The following MAPK14 variants were observed in gnomAD, a reference collection of about 807,000 sequenced individuals.
MAPK14 encodes the protein mitogen-activated protein kinase 14, also known as CSAID-binding protein.
Under a neutral mutation model 49.6 loss-of-function variants are expected in MAPK14, and 16 were observed. The observed-to-expected ratio is 0.32, with a 90% CI of 0.22 to 0.49. The LOEUF (loss-of-function observed/expected upper bound fraction) is 0.49. Ranked by LOEUF, MAPK14 falls within the 20% of genes least tolerant of loss-of-function variation. The pLI is 0.99. For synonymous variants in MAPK14, 142 were observed against 158.0 expected (o/e 0.90, Z 0.76); for missense variants, 200 against 441.2 (o/e 0.45, Z 4.90).
chr6:36,028,103 G>T lies in MAPK14; in HGVS notation c.-55G>T. 8.2e-7 allele frequency: 1 copy of T among 1,223,690 alleles called. No individual in the cohort carries two copies. The highest frequency in any genetic ancestry group is 1.2e-6 in the Non-Finnish European group (1 of 832,702). 75.8% of individuals were successfully genotyped at this position (1,223,690 alleles called of 1,614,324 possible). A position where few individuals can be genotyped will look rare whatever the true frequency, so the allele number is the denominator to read the frequency against. On this transcript the variant is annotated 5_prime_UTR_variant, in exon 1 of 12. Transcript: ENST00000229794. The surrounding 1 kb of genome is among the most constrained non-coding windows in gnomAD (Gnocchi z 5.1). Reference sequence around the variant, plus strand: ...AGCAAGGGCCGGGGAGAGGGTGCGGGTGCAGGCGGGGGCCCCACAGGGCCA... The same window carrying T: ...AGCAAGGGCCGGGGAGAGGGTGCGGTTGCAGGCGGGGGCCCCACAGGGCCA...
chr6:36,059,044 C>T (rs1390570626), intron 2 of MAPK14, among the ~76,000 whole-genome samples: 1 of 152,140 alleles, frequency 6.6e-6, no homozygotes, highest in East Asian at 1.9e-4. Context: ...CGCCCGCCAC[C>T]ACACCTGGCT....
At chr6:36,076,488 T>C in intron 7 of MAPK14, 49 bp from the exon 8 acceptor site, 2 of 1,348,542 alleles carry the variant, frequency 1.5e-6, no homozygotes, top group African/African-American at 2.9e-5. Context: ...TTGCCAAGAA[T>C]TGTAACAGTG....
chr6:36,080,951 T>C (rs1764734498), intron 8 of MAPK14, among the ~76,000 whole-genome samples: 1 of 152,166 alleles, frequency 6.6e-6, no homozygotes, highest in South Asian at 2.1e-4. Context: ...CATCTTTTCA[T>C]CTGCTTATTG....
At chr6:36,106,054 G>A (rs7760405) in intron 10 of MAPK14, among the ~76,000 whole-genome samples, 25,031 of 152,070 alleles carry the variant, frequency 0.16, 2,784 homozygotes, top group African/African-American at 0.32. Context: ...AAAATATCCC[G>A]CAGATTACTT....
chr6:36,027,956 A>T lies in MAPK14; in HGVS notation c.-202A>T, dbSNP rs200631642. On this transcript the variant is annotated 5_prime_UTR_variant, in exon 1 of 12. Transcript: ENST00000229794. Reference sequence around the variant, plus strand: ...CCCTGCCCTTAGCGGGGCTTGCCCCAGTCGCAGGGGCACATCCAGCCGCTG... The same window carrying T: ...CCCTGCCCTTAGCGGGGCTTGCCCCTGTCGCAGGGGCACATCCAGCCGCTG... 5.3e-5 allele frequency: 23 copies of T among 433,036 alleles called. No individual in the cohort carries two copies. In the South Asian group the frequency reaches 1.1e-3, roughly 22 times the overall value. The allele number at this position is 433,036 out of a possible 1,614,324, so 26.8% of individuals were successfully genotyped here. A position where few individuals can be genotyped will look rare whatever the true frequency, so the allele number is the denominator to read the frequency against.
chr6:36,105,152 T>C (rs1261435617), intron 10 of MAPK14, among the ~76,000 whole-genome samples: 1 of 152,236 alleles, frequency 6.6e-6, no homozygotes, highest in Middle Eastern at 3.2e-3. Context: ...AGCTCTGTTT[T>C]GTCAGCCACT....
At chr6:36,073,976 A>C (rs2127442942) in intron 5 of MAPK14, 73 bp from the exon 6 acceptor site, 1 of 1,144,304 alleles carries the variant, frequency 8.7e-7, no homozygotes, top group East Asian at 2.3e-5. Flanking sequence ...CTGGATCCTC[A>C]TTATTACCTG....
intron 9 of MAPK14, among the ~76,000 whole-genome samples, chr6:36,099,030 C>T (rs1314124987): frequency 6.6e-6 from 1 of 152,184 alleles, no homozygotes; most frequent in Non-Finnish European, 1.5e-5. Context: ...ATGGCTCTAG[C>T]TCCCTCCCTG....
chr6:36,096,278 T>C (rs950774120), intron 9 of MAPK14: 2 of 484,708 alleles, frequency 4.1e-6, no homozygotes, highest in African/African-American at 3.9e-5. Flanking sequence ...ATTCTCTATC[T>C]GGGTACACAC....
chr6:36,113,103 T>G (rs1459043744), downstream of MAPK14, among the ~76,000 whole-genome samples: 2 of 152,174 alleles, frequency 1.3e-5, no homozygotes, highest in Non-Finnish European at 2.9e-5. Context: ...AGATATGTTT[T>G]AATAATGTAC....
At chr6:36,092,786 C>G in intron 8 of MAPK14, 1 of 238,566 alleles carries the variant, frequency 4.2e-6, no homozygotes, top group Non-Finnish European at 8.3e-6. Flanking sequence ...GACATCGGCA[C>G]CTCCCGAGGT....
the MAPK14 span, among the ~76,000 whole-genome samples, chr6:36,123,791 G>A: frequency 6.6e-6 from 1 of 152,224 alleles, no homozygotes; most frequent in South Asian, 2.1e-4. Flanking sequence ...GGAGGCCTGG[G>A]CACCAGACCT....
At chr6:36,074,887 T>C (rs1377047868) in intron 6 of MAPK14, among the ~76,000 whole-genome samples, 1 of 151,882 alleles carries the variant, frequency 6.6e-6, no homozygotes, top group Non-Finnish European at 1.5e-5. Context: ...GTGCTGGGAT[T>C]GCAGGTGTGA....
At chr6:36,120,323 A>G in the MAPK14 span, among the ~76,000 whole-genome samples, 1 of 152,284 alleles carries the variant, frequency 6.6e-6, no homozygotes, top group East Asian at 1.9e-4. Flanking sequence ...TCAGAAGTGA[A>G]TATGGCATGT....
In MAPK14 at chr6:36,059,015, G is replaced by A. The variant is rs554346722; in HGVS notation, c.247-274G>A. ...ATCAGTTCTCCTGCCTCAGCCTCCCGAGTAGCTGGGATTACAGGCGCCCGC... is the reference window on the plus strand; with the variant it reads ...ATCAGTTCTCCTGCCTCAGCCTCCCAAGTAGCTGGGATTACAGGCGCCCGC... On this transcript the variant is annotated intron_variant, in intron 2 of 11. Transcript: ENST00000229794. Among the ~76,000 whole-genome samples, 148 of 151,768 alleles carry A rather than the reference G, an allele frequency of 9.8e-4. 1 individual carries two copies. The highest frequency in any genetic ancestry group is 3.4e-3 in the African/African-American group (139 of 41,384).
chr6:36,092,652 T>A (rs1352422179), intron 8 of MAPK14: 2 of 381,452 alleles, frequency 5.2e-6, no homozygotes, highest in Non-Finnish European at 1.0e-5. Context: ...CTCTCCCTTT[T>A]CAAACTAGTC....
intron 1 of MAPK14, among the ~76,000 whole-genome samples, chr6:36,038,218 G>GTGA (rs1458252721): frequency 2.0e-5 from 3 of 152,146 alleles, no homozygotes; most frequent in Non-Finnish European, 2.9e-5. Flanking sequence ...CCTGAAGAAG[G>GTGA]TGATATAGGA....
intron 8 of MAPK14, among the ~76,000 whole-genome samples, chr6:36,087,539 A>G (rs1765036694): frequency 6.6e-6 from 1 of 152,168 alleles, no homozygotes; most frequent in African/African-American, 2.4e-5. Flanking sequence ...ACAACTGCTA[A>G]AAGAGAATAA....
chr6:36,078,046 C>T (rs760441133), intron 8 of MAPK14, among the ~76,000 whole-genome samples: 19 of 152,118 alleles, frequency 1.2e-4, no homozygotes, highest in South Asian at 2.1e-4. Flanking sequence ...ACCTCCATGC[C>T]GGTGTAGACA....
Sources: gnomAD v4.1 joint callset for allele counts (sites outside exome capture counted in the v4.1 genomes callset) on GRCh38, gnomAD v4.1.1 for gene constraint, Gnocchi (gnomAD v3.1) non-coding constraint, MANE v1.5 for transcripts, NCBI Gene and HGNC (gene_info 2026-07-23, HGNC 2026-07-21) for gene names.